The following RASGRP1 variants were observed in gnomAD, a reference collection of about 807,000 sequenced individuals.
RASGRP1 encodes RAS guanyl releasing protein 1, also known as RAS guanyl-releasing protein 1.
RASGRP1 carries 37 observed loss-of-function variants against 95.1 expected under a neutral mutation model. That is an observed-to-expected ratio of 0.39 (90% confidence interval 0.30 to 0.51). The LOEUF (loss-of-function observed/expected upper bound fraction) is 0.51. Among genes scored for constraint, RASGRP1 ranks in the 20% least tolerant of loss-of-function variants. The pLI is 0.80. For synonymous variants in RASGRP1, 325 were observed against 353.4 expected, an observed-to-expected ratio of 0.92 and a Z score of 0.90; for missense variants, 711 against 965.4, an observed-to-expected ratio of 0.74 and a Z score of 3.49.
At position 38,512,913 on chromosome 15, in the gene RASGRP1, T is replaced by G; in HGVS notation, c.719A>C (p.Glu240Ala). Residue 240 changes from glutamate (E) to alanine (A), a missense_variant, in exon 7 of 17, where the codon GAA becomes GCA. By Grantham distance (107) the Glu-to-Ala change is moderately radical. Around this residue, in one of 3 missense-constraint regions of RASGRP1, gnomAD observed 491 missense variants for 676.6 expected, o/e 0.73. Coordinates refer to ENST00000310803, the MANE Select transcript of RASGRP1 (RefSeq NM_005739.4). ...QNYLVNSCVKENPTMERSIAL... is the reference protein window; with the variant it reads ...QNYLVNSCVKANPTMERSIAL... ...AATAGATCGCTCCATGGTGGGGTTT[T>G]CCTTCACACAGCTATTTACAAGGTA... 6.3e-7 allele frequency: 1 copy of G among 1,596,516 alleles called. No individual in the cohort carries two copies. Among genetic ancestry groups the G allele is most frequent in the Non-Finnish European group, 8.5e-7 (1 of 1,173,706 alleles).
At chr15:38,534,276 C>G (rs777329250) in intron 2 of RASGRP1, 3 of 152,178 alleles carry the variant, frequency 2.0e-5, no homozygotes, top group Admixed American at 2.0e-4. Context: ...AAACCAAGAA[C>G]AAAAATGTTA....
At chr15:38,543,248 T>A (rs944885851) in intron 2 of RASGRP1, among the ~76,000 whole-genome samples, 3 of 152,140 alleles carry the variant, frequency 2.0e-5, no homozygotes, top group Admixed American at 1.3e-4. Context: ...CAGTTCATTT[T>A]TTTTCATGAC....
chr15:38,562,043 T>G (rs903478523), intron 1 of RASGRP1, among the ~76,000 whole-genome samples: 6 of 152,112 alleles, frequency 3.9e-5, no homozygotes, highest in Non-Finnish European at 7.4e-5. Context: ...ATAGCCAAGG[T>G]TATAAAACTC....
intron 2 of RASGRP1, among the ~76,000 whole-genome samples, chr15:38,527,310 G>C (rs1296944312): frequency 2.0e-5 from 3 of 152,114 alleles, no homozygotes; most frequent in Non-Finnish European, 4.4e-5. Context: ...GGGAAGTCAG[G>C]ATATTTGTTT....
At chr15:38,533,608 C>G (rs984491394) in intron 2 of RASGRP1, among the ~76,000 whole-genome samples, 1 of 152,052 alleles carries the variant, frequency 6.6e-6, no homozygotes, top group Non-Finnish European at 1.5e-5. Flanking sequence ...AAACTTTGAA[C>G]TTGTATACCG....
At chr15:38,525,577 T>A (rs1048822498) in intron 3 of RASGRP1, among the ~76,000 whole-genome samples, 7 of 152,196 alleles carry the variant, frequency 4.6e-5, no homozygotes, top group Non-Finnish European at 8.8e-5. Flanking sequence ...TTATTTTTTC[T>A]GTGTGCTGTA....
chr15:38,500,802 G>A (rs1890985364), intron 13 of RASGRP1, among the ~76,000 whole-genome samples: 1 of 152,194 alleles, frequency 6.6e-6, no homozygotes, highest in South Asian at 2.1e-4. Flanking sequence ...CGGAAGAGGG[G>A]CATAGCCAAG....
intron 12 of RASGRP1, 27 bp downstream of exon 12, chr15:38,502,285 C>T (rs1256664959): frequency 1.3e-6 from 2 of 1,493,472 alleles, no homozygotes; most frequent in Non-Finnish European, 1.9e-6. Context: ...GGCTCATAAC[C>T]ACATATTCCT....
intron 2 of RASGRP1, among the ~76,000 whole-genome samples, chr15:38,553,699 GGCGT>G (rs1893426992): frequency 6.6e-6 from 1 of 152,210 alleles, no homozygotes; most frequent in Non-Finnish European, 1.5e-5. Flanking sequence ...CCAACAGACA[GGCGT>G]GCTGTACATT....
chr15:38,499,977 G>T, intron 14 of RASGRP1, 126 bp downstream of exon 14: 1 of 893,438 alleles, frequency 1.1e-6, no homozygotes, highest in Non-Finnish European at 1.8e-6. Context: ...GGCCTCACCA[G>T]CCCTGTGGAA....
chr15:38,560,624 G>A (rs1893766670), intron 1 of RASGRP1, among the ~76,000 whole-genome samples: 1 of 152,180 alleles, frequency 6.6e-6, no homozygotes, highest in African/African-American at 2.4e-5. Context: ...GGGTGATGAT[G>A]GTGGTGTTTA....
chr15:38,508,194 ATATATT>A (rs1287763674), intron 8 of RASGRP1, among the ~76,000 whole-genome samples, 193 bp from the exon 9 acceptor site: 3 of 152,198 alleles, frequency 2.0e-5, no homozygotes, highest in African/African-American at 7.2e-5. Context: ...ATATCACAGA[ATATATT>A]TATAAACACA....
chr15:38,505,944 T>G, intron 9 of RASGRP1, 24 bp from the exon 10 acceptor site: 1 of 1,565,856 alleles, frequency 6.4e-7, no homozygotes, highest in Non-Finnish European at 8.8e-7. Context: ...CAGAACAGGG[T>G]TCATTGCTAA....
At chr15:38,516,109 G>T in intron 6 of RASGRP1, 88 bp downstream of exon 6, 1 of 1,444,560 alleles carries the variant, frequency 6.9e-7, no homozygotes, top group Non-Finnish European at 9.5e-7. Flanking sequence ...GGGCCTCTAA[G>T]GTTATGAAGC....
Position 38,564,721 on chromosome 15 carries a change from TCCC to T in RASGRP1, c.-96_-94del. ...CCACCGCCGCCGCCTGCCGGCTCTC[TCCC>T]CCCCGGGCCTCGTAGCCCCGGCGCC... On this transcript the variant is annotated 5_prime_UTR_variant, in exon 1 of 17. Coordinates refer to ENST00000310803, the MANE Select transcript of RASGRP1 (RefSeq NM_005739.4). The T allele has an allele frequency of 9.3e-7, 1 of 1,076,808 alleles. No homozygotes were observed. The highest frequency in any genetic ancestry group is 1.2e-6 in the Non-Finnish European group (1 of 869,338). 66.7% of individuals were successfully genotyped at this position (1,076,808 alleles called of 1,614,324 possible).
chr15:38,497,217 AG>A (rs1478509240), intron 15 of RASGRP1, among the ~76,000 whole-genome samples: 1 of 152,194 alleles, frequency 6.6e-6, no homozygotes, highest in Non-Finnish European at 1.5e-5. Flanking sequence ...CCCAGAGATC[AG>A]GGCCTAGTAT....
chr15:38,532,674 G>A (rs141292151), intron 2 of RASGRP1, among the ~76,000 whole-genome samples: 291 of 152,262 alleles, frequency 1.9e-3, no homozygotes, highest in African/African-American at 6.7e-3. Context: ...GACAGGATAT[G>A]GCTTCCTAAC....
intron 2 of RASGRP1, among the ~76,000 whole-genome samples, chr15:38,545,589 T>A (rs1455738464): frequency 1.3e-5 from 2 of 151,908 alleles, no homozygotes; most frequent in Non-Finnish European, 2.9e-5. Context: ...TTTCTAATGG[T>A]AAGAGATGCA....
intron 4 of RASGRP1, among the ~76,000 whole-genome samples, 199 bp downstream of exon 4, chr15:38,519,110 A>G (rs1891898800): frequency 1.3e-5 from 2 of 152,238 alleles, no homozygotes; most frequent in Non-Finnish European, 2.9e-5. Context: ...ATGTCATTTG[A>G]TACCAAAGAC....
Sources: gnomAD v4.1 joint callset for allele counts (sites outside exome capture counted in the v4.1 genomes callset) on GRCh38, gnomAD v4.1.1 for gene constraint, gnomAD v4.1.1 regional missense constraint, MANE v1.5 for transcripts, NCBI Gene and HGNC (gene_info 2026-07-23, HGNC 2026-07-21) for gene names.